The following ANKRD44 variants were observed in gnomAD, a reference collection of about 807,000 sequenced individuals.
The protein encoded by ANKRD44 is serine/threonine-protein phosphatase 6 regulatory ankyrin repeat subunit B.
Under a neutral mutation model 116.0 loss-of-function variants are expected in ANKRD44, and 35 were observed. The ratio of observed to expected loss-of-function variants is 0.30; its 90% CI spans 0.23 to 0.40. The LOEUF (loss-of-function observed/expected upper bound fraction) is 0.40. Among genes scored for constraint, ANKRD44 ranks in the 10% least tolerant of loss-of-function variants. The pLI, the probability that ANKRD44 is intolerant of heterozygous loss-of-function variation, is 1.00. For missense variants in ANKRD44, 1,014 were observed against 1,242.6 expected (o/e 0.82, Z 2.77); for synonymous variants, 435 against 461.8 (o/e 0.94, Z 0.74).
intron 2 of ANKRD44, among the ~76,000 whole-genome samples, chr2:197,157,675 CAAAA>C (rs35588359): frequency 1.2e-5 from 1 of 83,088 alleles, no homozygotes; most frequent in Non-Finnish European, 2.1e-5. Flanking sequence ...GAGACTCTGT[CAAAA>C]AAAAAAAAAA....
At chr2:197,257,494 T>C (rs1197652878) in intron 1 of ANKRD44, among the ~76,000 whole-genome samples, 1 of 152,210 alleles carries the variant, frequency 6.6e-6, no homozygotes, top group Non-Finnish European at 1.5e-5. Flanking sequence ...TTTTCTTTTA[T>C]TTAGTATCTT....
At chr2:197,017,618 C>A (rs573707380) in intron 17 of ANKRD44, among the ~76,000 whole-genome samples, 28 of 152,240 alleles carry the variant, frequency 1.8e-4, no homozygotes, top group Non-Finnish European at 4.0e-4. Flanking sequence ...CCCAGTCCCA[C>A]TTCTCCCTTG....
intron 2 of ANKRD44, among the ~76,000 whole-genome samples, chr2:197,164,648 C>A (rs2080061446): frequency 6.6e-6 from 1 of 152,096 alleles, no homozygotes; most frequent in Non-Finnish European, 1.5e-5. Flanking sequence ...GACCTCAGGT[C>A]GCTGGCCCCT....
At chr2:197,276,865 A>G (rs2083101511) in intron 1 of ANKRD44, among the ~76,000 whole-genome samples, 1 of 152,176 alleles carries the variant, frequency 6.6e-6, no homozygotes, top group South Asian at 2.1e-4. Flanking sequence ...TTCATAAAAA[A>G]TCCAGGTGCC....
chr2:197,048,663 T>G (rs1559020123), intron 16 of ANKRD44, among the ~76,000 whole-genome samples: 2 of 152,226 alleles, frequency 1.3e-5, no homozygotes, highest in African/African-American at 4.8e-5. Context: ...CGTGCATGTG[T>G]CTTTATGACA....
intron 1 of ANKRD44, among the ~76,000 whole-genome samples, chr2:197,248,571 T>C (rs2082244379): frequency 8.3e-6 from 1 of 120,206 alleles, no homozygotes; most frequent in South Asian, 2.9e-4. Context: ...TGTGTGTGTG[T>C]GTGTGTGTAT....
chr2:197,202,906 C>T (rs1331612738), intron 1 of ANKRD44, among the ~76,000 whole-genome samples: 1 of 151,472 alleles, frequency 6.6e-6, no homozygotes, highest in Non-Finnish European at 1.5e-5. Context: ...TAAATGGATG[C>T]AGAAGAAATT....
intron 1 of ANKRD44, among the ~76,000 whole-genome samples, chr2:197,228,758 T>C (rs1010584576): frequency 1.3e-5 from 2 of 152,192 alleles, no homozygotes; most frequent in African/African-American, 4.8e-5. Flanking sequence ...AGTTACAGCC[T>C]GGCGCGGAGG....
intron 1 of ANKRD44, among the ~76,000 whole-genome samples, chr2:197,246,938 T>C (rs2082205736): frequency 6.6e-6 from 1 of 152,176 alleles, no homozygotes; most frequent in African/African-American, 2.4e-5. Flanking sequence ...ACACTCCCCA[T>C]GTTCTAATGT....
At chr2:197,057,332 T>TA (rs1295824778) in intron 16 of ANKRD44, among the ~76,000 whole-genome samples, 1 of 152,206 alleles carries the variant, frequency 6.6e-6, no homozygotes, top group African/African-American at 2.4e-5. Context: ...ACTTAGCTGT[T>TA]ACGTATTATC....
At chr2:197,232,472 T>A (rs1184225010) in intron 1 of ANKRD44, among the ~76,000 whole-genome samples, 1 of 152,182 alleles carries the variant, frequency 6.6e-6, no homozygotes, top group Non-Finnish European at 1.5e-5. Flanking sequence ...AACTCAGCAA[T>A]GCCAGGTAGA....
chr2:197,023,781 A>G (rs1317820497), intron 17 of ANKRD44, among the ~76,000 whole-genome samples: 1 of 152,222 alleles, frequency 6.6e-6, no homozygotes, highest in Non-Finnish European at 1.5e-5. Flanking sequence ...CAGGCACAGC[A>G]GATGGTTGGG....
At chr2:197,260,828 G>A (rs2082582875) in intron 1 of ANKRD44, among the ~76,000 whole-genome samples, 1 of 119,216 alleles carries the variant, frequency 8.4e-6, no homozygotes, top group Admixed American at 8.7e-5. Flanking sequence ...TTTCTCTGAT[G>A]GCCAGTGATG....
At chr2:197,147,136 A>G (rs1174338562) in intron 2 of ANKRD44, 31 bp from the exon 3 acceptor site, 4 of 1,600,564 alleles carry the variant, frequency 2.5e-6, no homozygotes, top group African/African-American at 2.7e-5. Flanking sequence ...GACATACAAC[A>G]GGTCAGTGGC....
chr2:197,106,863 C>T (rs575197633), intron 9 of ANKRD44, among the ~76,000 whole-genome samples: 165 of 149,520 alleles, frequency 1.1e-3, no homozygotes, highest in African/African-American at 4.0e-3. Flanking sequence ...GACAGACTCT[C>T]TATTTGTTAT....
At chr2:197,092,408 T>G (rs754308970) in intron 10 of ANKRD44, among the ~76,000 whole-genome samples, 4 of 152,222 alleles carry the variant, frequency 2.6e-5, no homozygotes, top group Admixed American at 1.3e-4. Flanking sequence ...CAAAAGTTAT[T>G]ATGATGATGT....
intron 1 of ANKRD44, among the ~76,000 whole-genome samples, chr2:197,208,308 T>G (rs936514447): frequency 3.3e-5 from 5 of 152,128 alleles, no homozygotes; most frequent in African/African-American, 1.2e-4. Context: ...TTCTTAGTTC[T>G]CAGAAGGCTT....
At chr2:197,230,158 G>T (rs1247487256) in intron 1 of ANKRD44, among the ~76,000 whole-genome samples, 3 of 152,114 alleles carry the variant, frequency 2.0e-5, no homozygotes, top group Admixed American at 2.0e-4. Flanking sequence ...AGGTTAGACT[G>T]CCAAGAATTT....
At chr2:197,094,663 G>A (rs1020732906) in intron 10 of ANKRD44, among the ~76,000 whole-genome samples, 14 of 152,208 alleles carry the variant, frequency 9.2e-5, no homozygotes, top group Admixed American at 8.5e-4. Flanking sequence ...TTTGCTCACT[G>A]AGAGGATGAG....
Sources: allele counts gnomAD v4.1 joint callset (sites outside exome capture counted in the v4.1 genomes callset), GRCh38; gene constraint gnomAD v4.1.1; transcripts MANE v1.5; gene names NCBI Gene and HGNC (gene_info 2026-07-23, HGNC 2026-07-21).